The following USP32 variants were observed in gnomAD, a reference collection of about 807,000 sequenced individuals.
USP32 encodes ubiquitin carboxyl-terminal hydrolase 32.
A neutral mutation model predicts 204.8 loss-of-function variants in USP32; 59 were observed. That is an observed-to-expected ratio of 0.29 (90% CI 0.23 to 0.36). USP32 has a LOEUF of 0.36. Among genes scored for constraint, USP32 ranks in the 10% least tolerant of loss-of-function variants. The probability of loss-of-function intolerance (pLI) is 1.00; values close to 1 mark genes in which losing one functional copy is unlikely to be tolerated. For synonymous variants in USP32, 517 were observed against 678.4 expected (o/e 0.76, Z 3.70); for missense variants, 1,160 against 1,946.4 (o/e 0.60, Z 7.60).
intron 1 of USP32, among the ~76,000 whole-genome samples, chr17:60,402,797 G>C (rs2089946372): frequency 6.6e-6 from 1 of 152,200 alleles, no homozygotes; most frequent in Non-Finnish European, 1.5e-5. Context: ...GTCAGCTGCA[G>C]TGGCCTGAAA....
rs1361594675 is a variant in USP32 at position 60,181,895 on chromosome 17, T to C, written c.4124-147A>G. On this transcript the variant is annotated intron_variant, in intron 31 of 33. Transcript: ENST00000300896. ...TGACTGGCTACTCTTTAGTTCCTAT[T>C]ATGTAGCCAGTAAGTTACATTTTTG... 5.6e-5 allele frequency: 71 copies of C among 1,271,386 alleles called. 2 individuals carry two copies. In the Admixed American group the frequency reaches 2.0e-3, roughly 36 times the overall value. The allele number at this position is 1,271,386 out of a possible 1,614,324, so 78.8% of individuals were successfully genotyped here.
At chr17:60,336,214 T>A (rs933588177) in intron 2 of USP32, among the ~76,000 whole-genome samples, 2 of 143,238 alleles carry the variant, frequency 1.4e-5, no homozygotes, top group African/African-American at 3.0e-5. Context: ...TAACTATATG[T>A]TAGATCTTCT....
intron 28 of USP32, among the ~76,000 whole-genome samples, chr17:60,190,970 T>A (rs374693916): frequency 1.3e-5 from 2 of 152,244 alleles, no homozygotes; most frequent in Non-Finnish European, 2.9e-5. Flanking sequence ...ATAAATGACA[T>A]GGGAATTGCC....
At position 60,219,561 on chromosome 17, in the gene USP32, CTTTTTTTTTT is replaced by C. The variant is rs751193414; in HGVS notation, c.1867+99_1867+108del. ...AGACTTCGAGCAACGTAGTTTTCAC[CTTTTTTTTTT>C]TTTTTTTTTTTTTTTTTAAGGAAAT... On this transcript the variant is annotated intron_variant, in intron 16 of 33. Coordinates refer to ENST00000300896, the MANE Select transcript of USP32 (RefSeq NM_032582.4). 162 of 688,866 alleles carry C rather than the reference CTTTTTTTTTT, an allele frequency of 2.4e-4. No individual in the cohort carries two copies. The African/African-American group carries it at 4.0e-3, about 17-fold the overall frequency. The allele number at this position is 688,866 out of a possible 1,614,324, so 42.7% of individuals were successfully genotyped here.
chr17:60,378,672 T>G (rs963348311), intron 1 of USP32, among the ~76,000 whole-genome samples: 1 of 152,040 alleles, frequency 6.6e-6, no homozygotes, highest in Non-Finnish European at 1.5e-5. Context: ...TTATCCTAAG[T>G]GAAATAAGAA....
At chr17:60,255,053 T>G in intron 10 of USP32, 122 bp downstream of exon 10, 1 of 628,200 alleles carries the variant, frequency 1.6e-6, no homozygotes. Context: ...TAGTTCTTTT[T>G]TTTTTTTTTT....
intron 7 of USP32, 39 bp downstream of exon 7, chr17:60,269,411 C>T (rs1239164616): frequency 1.3e-6 from 2 of 1,490,436 alleles, no homozygotes; most frequent in Non-Finnish European, 1.9e-6. Flanking sequence ...TTTCTCTCTA[C>T]ATAGTTTGCA....
At chr17:60,237,427 A>C (rs1043908189) in intron 11 of USP32, among the ~76,000 whole-genome samples, 24 of 150,630 alleles carry the variant, frequency 1.6e-4, no homozygotes, top group Admixed American at 1.5e-3. Context: ...AAAACTATTT[A>C]TTTTTTTGAG....
At chr17:60,295,280 G>C (rs1481055025) in intron 3 of USP32, among the ~76,000 whole-genome samples, 3 of 151,820 alleles carry the variant, frequency 2.0e-5, no homozygotes, top group Non-Finnish European at 4.4e-5. Flanking sequence ...AAGAGAACAG[G>C]TAAAATGAGA....
chr17:60,221,431 C>T (rs1472664369), intron 15 of USP32, among the ~76,000 whole-genome samples: 2 of 151,904 alleles, frequency 1.3e-5, no homozygotes, highest in African/African-American at 4.8e-5. Flanking sequence ...GTTAACGTAC[C>T]ATATCTCATC....
intron 9 of USP32, among the ~76,000 whole-genome samples, chr17:60,257,272 G>T (rs1486149484): frequency 6.6e-6 from 1 of 152,136 alleles, no homozygotes; most frequent in East Asian, 1.9e-4. Flanking sequence ...AGAAGGAGAG[G>T]ATTGGAAAGT....
chr17:60,410,560 C>G (rs2090010014), intron 1 of USP32, among the ~76,000 whole-genome samples: 1 of 151,766 alleles, frequency 6.6e-6, no homozygotes, highest in East Asian at 2.0e-4. Flanking sequence ...CCCAGCTACT[C>G]AGGAGGCTGA....
intron 11 of USP32, among the ~76,000 whole-genome samples, chr17:60,236,555 C>T (rs1477742947): frequency 6.6e-6 from 1 of 152,018 alleles, no homozygotes; most frequent in Non-Finnish European, 1.5e-5. Context: ...GTTCATGTAA[C>T]CAATGATGTT....
chr17:60,305,129 C>T (rs1171834246), intron 2 of USP32: 1 of 152,172 alleles, frequency 6.6e-6, no homozygotes, highest in East Asian at 1.9e-4. Flanking sequence ...TTTTGCATTG[C>T]TATAAAGGAA....
intron 16 of USP32, among the ~76,000 whole-genome samples, chr17:60,216,986 A>C (rs1271940551): frequency 1.3e-5 from 2 of 151,988 alleles, no homozygotes; most frequent in African/African-American, 4.8e-5. Context: ...GCAAGGAATA[A>C]AATTTCAAAT....
At chr17:60,272,034 C>T (rs147305887) in intron 5 of USP32, among the ~76,000 whole-genome samples, 289 of 152,260 alleles carry the variant, frequency 1.9e-3, no homozygotes, top group Middle Eastern at 3.4e-3. Context: ...AGGCTGGTCC[C>T]AAACTCCTGG....
chr17:60,404,563 G>T (rs1460666616), intron 1 of USP32, among the ~76,000 whole-genome samples: 1 of 152,052 alleles, frequency 6.6e-6, no homozygotes, highest in Non-Finnish European at 1.5e-5. Context: ...AGGAGATTTG[G>T]CATAATGAGA....
At chr17:60,340,862 C>T (rs2088641641) in intron 2 of USP32, among the ~76,000 whole-genome samples, 1 of 152,072 alleles carries the variant, frequency 6.6e-6, no homozygotes, top group Admixed American at 6.6e-5. Context: ...TAAGGCAGGC[C>T]TGGTGGTGAC....
upstream of USP32, chr17:60,392,640 G>A (rs2089862548): frequency 2.2e-6 from 1 of 451,362 alleles, no homozygotes; most frequent in Non-Finnish European, 4.4e-6. Context: ...AGAGAAAGGA[G>A]TGGGTAGGCA....
Sources: gnomAD v4.1 joint callset for allele counts (sites outside exome capture counted in the v4.1 genomes callset) on GRCh38, gnomAD v4.1.1 for gene constraint, MANE v1.5 for transcripts, NCBI Gene and HGNC (gene_info 2026-07-23, HGNC 2026-07-21) for gene names.